Variants in SYT2 observed in about 807,000 individuals in gnomAD.
SYT2 encodes the protein synaptotagmin-2.
Under a neutral mutation model 39.9 loss-of-function variants are expected in SYT2, and 15 were observed. The ratio of observed to expected loss-of-function variants is 0.38; its 90% CI spans 0.25 to 0.58. The LOEUF is 0.58. Among genes scored for constraint, SYT2 ranks in the 20% least tolerant of loss-of-function variants. The pLI is 0.70. For synonymous variants in SYT2, 181 were observed against 204.5 expected (o/e 0.89, Z 0.98); for missense variants, 389 against 530.3 (o/e 0.73, Z 2.62).
At chr1:202,597,018 C>A (rs1054816371) in intron 8 of SYT2, 55 bp from the exon 9 acceptor site, 74 of 1,488,872 alleles carry the variant, frequency 5.0e-5, no homozygotes, top group Non-Finnish European at 4.5e-5. Flanking sequence ...ATCCCATGAC[C>A]AAATTTATCC....
chr1:202,620,176 C>T (rs1023692893), intron 1 of SYT2, among the ~76,000 whole-genome samples: 1 of 152,240 alleles, frequency 6.6e-6, no homozygotes, highest in African/African-American at 2.4e-5. Flanking sequence ...CCCTGGTCCA[C>T]TGGCCGCTGT....
chr1:202,691,728 GGGGGGAGAGA>G (rs1558463400), intron 1 of SYT2, among the ~76,000 whole-genome samples: 13 of 14,252 alleles, frequency 9.1e-4, no homozygotes, highest in Admixed American at 4.3e-3. Context: ...AGAGGGAGAG[GGGGGGAGAGA>G]GAGAGAGAGA....
chr1:202,703,302 C>T (rs1267601311), intron 1 of SYT2, among the ~76,000 whole-genome samples: 1 of 146,436 alleles, frequency 6.8e-6, no homozygotes, highest in African/African-American at 2.5e-5. Flanking sequence ...ATACACATGG[C>T]CCTACCCAGC....
At chr1:202,597,037 C>T in intron 8 of SYT2, 74 bp from the exon 9 acceptor site, 1 of 1,324,750 alleles carries the variant, frequency 7.5e-7, no homozygotes, top group South Asian at 1.3e-5. Flanking sequence ...CCTCCATCAA[C>T]CTCTACTCCC....
intron 1 of SYT2, among the ~76,000 whole-genome samples, chr1:202,640,534 T>G (rs1048029233): frequency 3.2e-5 from 4 of 126,292 alleles, no homozygotes; most frequent in African/African-American, 1.6e-4. Flanking sequence ...GACATCTGGC[T>G]TTACCGCCTC....
chr1:202,612,018 T>C (rs1690895433), intron 1 of SYT2, among the ~76,000 whole-genome samples: 1 of 152,178 alleles, frequency 6.6e-6, no homozygotes, highest in African/African-American at 2.4e-5. Context: ...ATCTGGCTAA[T>C]TTTTAATTTT....
chr1:202,657,120 C>A (rs566526426), intron 1 of SYT2, among the ~76,000 whole-genome samples: 1 of 152,366 alleles, frequency 6.6e-6, no homozygotes, highest in South Asian at 2.1e-4. Flanking sequence ...AGAAGCACAG[C>A]ACACCCTACA....
At chr1:202,674,918 C>T (rs1356168383) in intron 1 of SYT2, among the ~76,000 whole-genome samples, 6 of 51,976 alleles carry the variant, frequency 1.2e-4, no homozygotes, top group African/African-American at 1.9e-4. Flanking sequence ...ATGTCATGAT[C>T]TCAGCCTGCT....
chr1:202,630,536 G>A (rs1263063407), intron 1 of SYT2: 2 of 273,180 alleles, frequency 7.3e-6, no homozygotes, highest in African/African-American at 4.6e-5. Context: ...CACTTTCCAG[G>A]CAAGAGACGT....
Position 202,594,911 on chromosome 1 carries a change from G to T in SYT2, c.*1846C>A, listed in dbSNP as rs1018936120. 3.3e-5 allele frequency: 5 copies of T among 152,214 alleles called. No homozygotes were observed. Among genetic ancestry groups the T allele is most frequent in the Non-Finnish European group, 7.3e-5 (5 of 68,088 alleles). 9.4% of individuals were successfully genotyped at this position (152,214 alleles called of 1,614,324 possible). On this transcript the variant is annotated 3_prime_UTR_variant, in exon 9 of 9. Transcript: ENST00000367268. The stretch of plus-strand genomic sequence containing the variant: ...TTAAAATAAAATAAAAAGACACTCT[G>T]CAACTTCTTCACACTGGATCCTCAA...
intron 1 of SYT2, among the ~76,000 whole-genome samples, chr1:202,680,981 A>G (rs1211022245): frequency 6.6e-6 from 1 of 152,122 alleles, no homozygotes; most frequent in Non-Finnish European, 1.5e-5. Flanking sequence ...CTTCTACCTG[A>G]AGCCACCATG....
intron 1 of SYT2, among the ~76,000 whole-genome samples, chr1:202,611,849 C>G (rs1427433304): frequency 1.3e-5 from 2 of 152,080 alleles, no homozygotes; most frequent in Non-Finnish European, 2.9e-5. Context: ...ACATTCAAGT[C>G]TACAAGCCAC....
chr1:202,710,034 C>T (rs1166751190), intron 1 of SYT2, among the ~76,000 whole-genome samples: 3 of 152,018 alleles, frequency 2.0e-5, no homozygotes, highest in Non-Finnish European at 4.4e-5. Flanking sequence ...GGAGCCGGCT[C>T]CTCGCCCCTC....
intron 1 of SYT2, among the ~76,000 whole-genome samples, chr1:202,613,067 CCTTTTTTTTTT>C (rs1214146786): frequency 1.6e-5 from 2 of 121,604 alleles, no homozygotes; most frequent in Non-Finnish European, 3.3e-5. Context: ...ATTGGTTCTT[CCTTTTTTTTTT>C]TTTTTTTTTT....
chr1:202,674,261 G>T (rs889927488), intron 1 of SYT2, among the ~76,000 whole-genome samples: 1 of 151,996 alleles, frequency 6.6e-6, no homozygotes, highest in African/African-American at 2.4e-5. Context: ...ACCACCACGT[G>T]CAGCTAATTT....
intron 1 of SYT2, among the ~76,000 whole-genome samples, chr1:202,666,748 A>G (rs1172233045): frequency 6.6e-6 from 1 of 152,194 alleles, no homozygotes; most frequent in Non-Finnish European, 1.5e-5. Context: ...TTGGGAGGCC[A>G]AGATGGGCGG....
In SYT2 at chr1:202,599,126, G is replaced by C. The variant is rs1434962501; in HGVS notation, c.1053+92C>G. The C allele has an allele frequency of 2.0e-6, 3 of 1,520,796 alleles. No homozygotes were observed. The highest frequency in any genetic ancestry group is 1.8e-6 in the Non-Finnish European group (2 of 1,131,908). 94.2% of individuals were successfully genotyped at this position (1,520,796 alleles called of 1,614,324 possible). A position where few individuals can be genotyped will look rare whatever the true frequency, so the allele number is the denominator to read the frequency against. The stretch of plus-strand genomic sequence containing the variant: ...CCCCTACCAAGAAAGGCTGTTCCAT[G>C]GTCTCTAGGTGAGTTCCCTCTCTTC... On this transcript the variant is annotated intron_variant, in intron 8 of 8. Transcript: ENST00000367268. The surrounding 1 kb of genome is among the most constrained non-coding windows in gnomAD (Gnocchi z 4.4).
At chr1:202,691,726 A>AG in intron 1 of SYT2, among the ~76,000 whole-genome samples, 1 of 12,250 alleles carries the variant, frequency 8.2e-5, no homozygotes, top group Admixed American at 1.3e-3. Flanking sequence ...GGAGAGGGAG[A>AG]GGGGGGGAGA....
intron 1 of SYT2, among the ~76,000 whole-genome samples, chr1:202,707,357 T>G (rs572157621): frequency 6.6e-6 from 1 of 152,322 alleles, no homozygotes; most frequent in South Asian, 2.1e-4. Flanking sequence ...TGGTGCTTCA[T>G]ATTTAACCAC....
Sources: gnomAD v4.1 joint callset for allele counts (sites outside exome capture counted in the v4.1 genomes callset) on GRCh38, gnomAD v4.1.1 for gene constraint, Gnocchi (gnomAD v3.1) non-coding constraint, MANE v1.5 for transcripts, NCBI Gene and HGNC (gene_info 2026-07-23, HGNC 2026-07-21) for gene names.